HOMER2: variants seen among roughly 807,000 people sequenced by gnomAD.
HOMER2 encodes homer scaffold protein 2, also known as homer protein homolog 2.
HOMER2 carries 27 observed loss-of-function variants against 47.0 expected under a neutral mutation model. That is an observed-to-expected ratio of 0.57 (90% CI 0.42 to 0.79). The LOEUF (loss-of-function observed/expected upper bound fraction) is 0.79, where lower values mean the gene tolerates loss of function less well. Among genes scored for constraint, HOMER2 ranks in the 30% least tolerant of loss-of-function variants. HOMER2 has a pLI of 0.00. For missense variants in HOMER2, 443 were observed against 435.0 expected, an observed-to-expected ratio of 1.02 and a Z score of -0.16; for synonymous variants, 161 against 163.8, an observed-to-expected ratio of 0.98 and a Z score of 0.13.
At chr15:82,840,850 CT>C (rs2051169754) in exon 2 of HOMER2, 1 of 151,612 alleles carries the variant, frequency 6.6e-6, no homozygotes, top group African/African-American at 2.4e-5. Flanking sequence ...AAAGGCACTA[CT>C]AGATTTGGAC....
chr15:82,925,242 C>G (rs1411485555), intron 1 of HOMER2, among the ~76,000 whole-genome samples: 1 of 152,198 alleles, frequency 6.6e-6, no homozygotes, highest in Non-Finnish European at 1.5e-5. Context: ...GTTTCACAGC[C>G]CCTGCAGGTG....
chr15:82,957,072 T>C, upstream of HOMER2, among the ~76,000 whole-genome samples: 1 of 151,470 alleles, frequency 6.6e-6, no homozygotes, highest in East Asian at 1.9e-4. Context: ...AGGTCAGGAG[T>C]TCAAGACCAG....
chr15:82,920,282 C>G (rs1257479663), intron 1 of HOMER2, among the ~76,000 whole-genome samples: 1 of 152,202 alleles, frequency 6.6e-6, no homozygotes, highest in Non-Finnish European at 1.5e-5. Context: ...TCAGGAATGG[C>G]CTTTACTTTC....
chr15:82,944,930 G>C (rs933252901), intron 1 of HOMER2, among the ~76,000 whole-genome samples: 18 of 152,090 alleles, frequency 1.2e-4, no homozygotes, highest in Admixed American at 1.1e-3. Flanking sequence ...CTTCCTGCTT[G>C]CAAAGAGCCT....
chr15:82,903,509 C>T (rs1256740054), intron 1 of HOMER2, among the ~76,000 whole-genome samples: 1 of 151,970 alleles, frequency 6.6e-6, no homozygotes, highest in Admixed American at 6.6e-5. Flanking sequence ...CCCAGCTACT[C>T]GGGAGGCTGA....
intron 1 of HOMER2, among the ~76,000 whole-genome samples, chr15:82,960,349 C>G (rs1057499823): frequency 6.6e-6 from 1 of 152,086 alleles, no homozygotes; most frequent in African/African-American, 2.4e-5. Flanking sequence ...GGAAGGGAGA[C>G]TTGGGAGCCA....
At chr15:82,957,531 G>A (rs1326380965), upstream of HOMER2, among the ~76,000 whole-genome samples, 2 of 152,146 alleles carry the variant, frequency 1.3e-5, no homozygotes, top group African/African-American at 4.8e-5. Flanking sequence ...AACAGCTTGT[G>A]TACTTCCTGC....
At chr15:82,986,036 G>C, upstream of HOMER2, 3 of 984,252 alleles carry the variant, frequency 3.0e-6, no homozygotes, top group South Asian at 9.4e-5. Context: ...GGCTGAAAGT[G>C]CATGGAGGGC....
chr15:82,854,846 G>T, intron 5 of HOMER2, 46 bp from the exon 6 acceptor site: 5 of 1,577,346 alleles, frequency 3.2e-6, no homozygotes, highest in Non-Finnish European at 4.3e-6. Context: ...GTGCTGTCCC[G>T]TCTGGCTCCG....
At chr15:82,854,365 C>T (rs893642557) in intron 6 of HOMER2, among the ~76,000 whole-genome samples, 1 of 152,042 alleles carries the variant, frequency 6.6e-6, no homozygotes, top group African/African-American at 2.4e-5. Context: ...GAGATCGTGC[C>T]ACTGCACTCC....
chr15:82,888,580 T>A (rs1217871021), intron 2 of HOMER2, among the ~76,000 whole-genome samples: 1 of 31,842 alleles, frequency 3.1e-5, no homozygotes, highest in Non-Finnish European at 5.1e-5. Flanking sequence ...GAGCCAGGTG[T>A]GGGATATAGT....
chr15:82,899,974 A>G (rs1189574681), intron 1 of HOMER2, among the ~76,000 whole-genome samples: 4 of 152,222 alleles, frequency 2.6e-5, no homozygotes, highest in African/African-American at 9.6e-5. Context: ...GGGAGCCGAG[A>G]TTATGCAACC....
intron 4 of HOMER2, among the ~76,000 whole-genome samples, chr15:82,863,524 C>T (rs2051862058): frequency 1.3e-5 from 2 of 152,170 alleles, no homozygotes; most frequent in South Asian, 4.1e-4. Context: ...CTTACTCCTG[C>T]CCCTAAGTAT....
rs2151155185 is a variant in HOMER2 at position 82,913,659 on chromosome 15, T to G, written c.6-20818A>C. Among the ~76,000 whole-genome samples, 1 of 152,338 alleles carries G rather than the reference T, an allele frequency of 6.6e-6. No individual in the cohort carries two copies. The highest frequency in any genetic ancestry group is 1.9e-4 in the East Asian group (1 of 5,184). On this transcript the variant is annotated intron_variant, in intron 1 of 8. Transcript: ENST00000450735. This position sits in a 1 kb window ranked among gnomAD's most constrained non-coding sequence, Gnocchi z 4.1. ...TAGACAGCAGATCACACAGTCAAGC[T>G]TTGCATGCCTTAGGAAATGTTCTTG...
At chr15:82,906,124 T>C (rs773365657) in intron 1 of HOMER2, among the ~76,000 whole-genome samples, 26 of 152,168 alleles carry the variant, frequency 1.7e-4, no homozygotes, top group Admixed American at 1.3e-4. Flanking sequence ...CTTGGATTCA[T>C]TGTAAATGTA....
chr15:82,972,420 T>C (rs2030026094), intron 1 of HOMER2, among the ~76,000 whole-genome samples: 1 of 152,194 alleles, frequency 6.6e-6, no homozygotes, highest in Non-Finnish European at 1.5e-5. Context: ...ACGTCGGCCA[T>C]GGAAAGCACC....
downstream of HOMER2, chr15:82,836,137 TTCC>T (rs2051123373): frequency 2.0e-5 from 3 of 152,254 alleles, no homozygotes; most frequent in South Asian, 6.2e-4. Flanking sequence ...AACGCTTCCT[TTCC>T]TCCTCTGGAA....
intron 2 of HOMER2, among the ~76,000 whole-genome samples, chr15:82,890,820 G>A (rs548171411): frequency 6.6e-6 from 1 of 152,286 alleles, no homozygotes; most frequent in Non-Finnish European, 1.5e-5. Flanking sequence ...AAAGAAAGCA[G>A]GTCAGCTTGA....
chr15:82,918,561 T>C (rs1057022755), intron 1 of HOMER2, among the ~76,000 whole-genome samples: 6 of 152,010 alleles, frequency 3.9e-5, no homozygotes, highest in African/African-American at 1.4e-4. Context: ...CCCTCCACAC[T>C]CACCTCCACA....
Sources: gnomAD v4.1 joint callset for allele counts (sites outside exome capture counted in the v4.1 genomes callset) on GRCh38, gnomAD v4.1.1 for gene constraint, Gnocchi (gnomAD v3.1) non-coding constraint, MANE v1.5 for transcripts, NCBI Gene and HGNC (gene_info 2026-07-23, HGNC 2026-07-21) for gene names.